Variants in NTNG2 observed in about 807,000 individuals in gnomAD.
NTNG2 encodes netrin G2, also known as netrin-G2.
NTNG2 carries 15 observed loss-of-function variants against 47.6 expected under a neutral mutation model. That is an observed-to-expected ratio of 0.32 (90% CI 0.21 to 0.49). The LOEUF is 0.49. NTNG2 is among the 20% of genes least tolerant of loss of function. The pLI is 0.99. For synonymous variants in NTNG2, 307 were observed against 324.6 expected (o/e 0.95, Z 0.58); for missense variants, 578 against 764.6 (o/e 0.76, Z 2.88).
In NTNG2 at chr9:132,197,762, T is replaced by C. The variant is rs1242677064; in HGVS notation, c.214-204T>C. The stretch of plus-strand genomic sequence containing the variant: ...GCAAGGACAAGTATGCATTTTTTCT[T>C]TGGAAGCCATGGGATTGCACACCTC... On this transcript the variant is annotated intron_variant, in intron 2 of 7. Coordinates refer to ENST00000393229, the MANE Select transcript of NTNG2 (RefSeq NM_032536.4). The surrounding 1 kb of genome is among the most constrained non-coding windows in gnomAD (Gnocchi z 4.3). 6.6e-6 allele frequency among the ~76,000 whole-genome samples: 1 copy of C among 152,126 alleles called. No homozygotes were observed. Among genetic ancestry groups the C allele is most frequent in the Non-Finnish European group, 1.5e-5 (1 of 68,018 alleles).
Position 132,166,989 on chromosome 9 carries a change from A to T in NTNG2, c.158A>T (p.Lys53Met), listed in dbSNP as rs1370380325. The change falls in exon 2 of 8, where the codon AAG becomes ATG. Residue 53 changes from lysine to methionine, a missense_variant. Lys to Met is a moderately conservative substitution (Grantham distance 95). Coordinates refer to ENST00000393229, the MANE Select transcript of NTNG2 (RefSeq NM_032536.4). ...CGCCTGAAGGACTACGTCAAGGTGA[A>T]GGTGGAGCCCTCAGGCATCACATGT... ...VMRLKDYVKV[K>M]VEPSGITCGD... The T allele has an allele frequency of 6.2e-6, 10 of 1,614,128 alleles. No homozygotes were observed. The highest frequency in any genetic ancestry group is 8.5e-6 in the Non-Finnish European group (10 of 1,180,050).
intron 4 of NTNG2, 57 bp downstream of exon 4, chr9:132,227,078 C>G (rs769308545): frequency 2.0e-6 from 3 of 1,508,444 alleles, no homozygotes; most frequent in Non-Finnish European, 2.7e-6. Context: ...CCCTGCCCGT[C>G]AATCCCAGGA....
intron 2 of NTNG2, among the ~76,000 whole-genome samples, chr9:132,167,492 G>A (rs1006762799): frequency 4.6e-5 from 7 of 152,208 alleles, no homozygotes; most frequent in South Asian, 2.1e-4. Context: ...TCCAGCAGAC[G>A]GTACCATGAA....
At chr9:132,219,228 A>G (rs1564428650) in intron 3 of NTNG2, among the ~76,000 whole-genome samples, 3 of 151,614 alleles carry the variant, frequency 2.0e-5, no homozygotes, top group East Asian at 3.9e-4. Context: ...AACAAAAAAA[A>G]AAAAGAAAAA....
At chr9:132,210,044 C>G (rs993484235) in intron 3 of NTNG2, among the ~76,000 whole-genome samples, 2 of 152,022 alleles carry the variant, frequency 1.3e-5, no homozygotes, top group South Asian at 2.1e-4. Context: ...AGGTCAGAAA[C>G]CCTGCTTCTA....
intron 2 of NTNG2, among the ~76,000 whole-genome samples, chr9:132,189,045 T>C (rs1235575038): frequency 1.3e-5 from 2 of 149,870 alleles, no homozygotes; most frequent in Non-Finnish European, 3.0e-5. Flanking sequence ...ATAAGTTTTA[T>C]GTGAAAAAGG....
At position 132,236,613 on chromosome 9, in the gene NTNG2, A is replaced by G. The variant is rs575188796; in HGVS notation, c.1055-2491A>G. ...TGGAAGCATGTTTAGAGAGGGTCTG[A>G]GGCTCGGTTCCTAGAAACCTGGAGG... On this transcript the variant is annotated intron_variant, in intron 5 of 7. Transcript: ENST00000393229. This position sits in a 1 kb window ranked among gnomAD's most constrained non-coding sequence, Gnocchi z 4.3. 6.6e-6 allele frequency among the ~76,000 whole-genome samples: 1 copy of G among 152,316 alleles called. No homozygotes were observed. The highest frequency in any genetic ancestry group is 2.4e-5 in the African/African-American group (1 of 41,578).
At chr9:132,189,378 G>A (rs569112153) in intron 2 of NTNG2, among the ~76,000 whole-genome samples, 23 of 151,472 alleles carry the variant, frequency 1.5e-4, no homozygotes, top group African/African-American at 5.6e-4. Context: ...TAGGTTTAAT[G>A]GAGAAATAGT....
rs1841181328 is a variant in NTNG2, at chr9:132,231,079, G to A, written c.1054+484G>A. Among the ~76,000 whole-genome samples, 1 of 152,098 alleles carries A rather than the reference G, an allele frequency of 6.6e-6. No homozygotes were observed. Among genetic ancestry groups the A allele is most frequent in the Admixed American group, 6.5e-5 (1 of 15,284 alleles). On this transcript the variant is annotated intron_variant, in intron 5 of 7. Coordinates refer to ENST00000393229, the MANE Select transcript of NTNG2 (RefSeq NM_032536.4). The surrounding 1 kb of genome is among the most constrained non-coding windows in gnomAD (Gnocchi z 4.1). ...TAACCATGGGGGCAGCCTCCCTCTG[G>A]GCAGCCTCTGCAGCCAGCTTGTCCC... is the stretch of plus-strand genomic sequence containing the variant.
chr9:132,217,206 C>T (rs1469672290), intron 3 of NTNG2, among the ~76,000 whole-genome samples: 1 of 152,260 alleles, frequency 6.6e-6, no homozygotes, highest in African/African-American at 2.4e-5. Context: ...TGCATGGCGT[C>T]TGTCCACGTA....
chr9:132,197,974 C>A lies in NTNG2; in HGVS notation c.222C>A (p.Pro74=). The A allele has an allele frequency of 6.2e-7, 1 of 1,611,698 alleles. No homozygotes were observed. Residue 74 remains proline, a synonymous_variant, in exon 3 of 8, where the codon CCC becomes CCA. Transcript: ENST00000393229. This position sits in a 1 kb window ranked among gnomAD's most constrained non-coding sequence, Gnocchi z 4.3. ...TCCTCTCCCCGCTGCAGGAGAATCCCTACCTATGCAGCAACGAGTGTGACG... is the reference window on the plus strand; with the variant it reads ...TCCTCTCCCCGCTGCAGGAGAATCCATACCTATGCAGCAACGAGTGTGACG... ...PPERFCSHEN[P]YLCSNECDAS...
chr9:132,231,904 G>C lies in NTNG2; in HGVS notation c.1054+1309G>C, dbSNP rs750683274. The C allele has an allele frequency of 1.3e-5, 2 of 155,364 alleles. No individual in the cohort carries two copies. Among genetic ancestry groups the C allele is most frequent in the Non-Finnish European group, 2.9e-5 (2 of 69,876 alleles). 9.6% of individuals were successfully genotyped at this position (155,364 alleles called of 1,614,324 possible). A position where few individuals can be genotyped will look rare whatever the true frequency, so the allele number is the denominator to read the frequency against. On this transcript the variant is annotated intron_variant, in intron 5 of 7. Transcript: ENST00000393229. The surrounding 1 kb of genome is among the most constrained non-coding windows in gnomAD (Gnocchi z 4.1). ...AGCCCTGGGCAGAGAGCAGGGGCTT[G>C]GCTCTTAGAATAGAGACGCTAGAAC...
rs1408337804 is a variant in NTNG2, at chr9:132,163,147, A to G, written c.-484+908A>G. ...CCGGCCGGGCCTTTATTACGGGCTT[A>G]ATTATTAATTGCTGCCGTGGCTTGC... On this transcript the variant is annotated intron_variant, in intron 1 of 7. Transcript: ENST00000393229. This position sits in a 1 kb window ranked among gnomAD's most constrained non-coding sequence, Gnocchi z 7.2. Among the ~76,000 whole-genome samples the G allele has an allele frequency of 6.6e-6, 1 of 152,094 alleles. No individual in the cohort carries two copies. The highest frequency in any genetic ancestry group is 2.4e-5 in the African/African-American group (1 of 41,408).
At chr9:132,207,005 C>G (rs1178793409) in intron 3 of NTNG2, among the ~76,000 whole-genome samples, 1 of 152,248 alleles carries the variant, frequency 6.6e-6, no homozygotes, top group East Asian at 1.9e-4. Context: ...GGAGGGGCAT[C>G]TCGGCCTTGG....
chr9:132,240,169 A>T (rs551762348), intron 6 of NTNG2, among the ~76,000 whole-genome samples: 1 of 152,322 alleles, frequency 6.6e-6, no homozygotes, highest in Admixed American at 6.5e-5. Flanking sequence ...TGCCCAGAGG[A>T]GGGGCTCCTG....
intron 2 of NTNG2, among the ~76,000 whole-genome samples, chr9:132,173,687 G>A (rs1434149963): frequency 2.0e-5 from 3 of 152,072 alleles, no homozygotes; most frequent in African/African-American, 4.8e-5. Context: ...ACCATGCTGC[G>A]GATGAGACGG....
intron 2 of NTNG2, among the ~76,000 whole-genome samples, chr9:132,168,056 T>A (rs535754141): frequency 6.6e-6 from 1 of 152,326 alleles, no homozygotes; most frequent in South Asian, 2.1e-4. Context: ...ACAGAGTAAG[T>A]GCACGCAGAT....
In NTNG2 at chr9:132,227,042, C is replaced by T. The variant is rs1265260781; in HGVS notation, c.1030+21C>T. 4 of 1,571,624 alleles carry T rather than the reference C, an allele frequency of 2.5e-6. No homozygotes were observed. The African/African-American group carries it at 5.4e-5, about 21-fold the overall frequency. On this transcript the variant is annotated intron_variant, in intron 4 of 7. Transcript: ENST00000393229. Reference sequence around the variant, plus strand: ...CGCCTGTACGTGCCATGCCCCGGGGCCACGAGCCCACATGGCTATAATCTT... The same window carrying T: ...CGCCTGTACGTGCCATGCCCCGGGGTCACGAGCCCACATGGCTATAATCTT...
chr9:132,204,177 G>A (rs971084207), intron 3 of NTNG2, among the ~76,000 whole-genome samples: 16 of 152,166 alleles, frequency 1.1e-4, no homozygotes, highest in Non-Finnish European at 2.1e-4. Context: ...TGAGTTCCAA[G>A]AGGCTGAGCT....
Sources: gnomAD v4.1 joint callset for allele counts (sites outside exome capture counted in the v4.1 genomes callset) on GRCh38, gnomAD v4.1.1 for gene constraint, Gnocchi (gnomAD v3.1) non-coding constraint, MANE v1.5 for transcripts, NCBI Gene and HGNC (gene_info 2026-07-23, HGNC 2026-07-21) for gene names.